SAMD4A: variants seen among roughly 807,000 people sequenced by gnomAD.
The protein encoded by SAMD4A is protein Smaug homolog 1.
In SAMD4A, 33 loss-of-function variants were observed where a neutral mutation model predicts 81.3. The ratio of observed to expected loss-of-function variants is 0.41; its 90% CI spans 0.31 to 0.54. The LOEUF is 0.54. SAMD4A is among the 20% of genes least tolerant of loss of function. The probability of loss-of-function intolerance (pLI) is 0.37; values close to 1 mark genes in which losing one functional copy is unlikely to be tolerated. For synonymous variants in SAMD4A, 389 were observed against 382.1 expected, an observed-to-expected ratio of 1.02 and a Z score of -0.21; for missense variants, 854 against 951.1, an observed-to-expected ratio of 0.90 and a Z score of 1.34.
Position 54,760,088 on chromosome 14 carries a change from G to T in SAMD4A, c.1177-73G>T, listed in dbSNP as rs543578754. ...CGAATCCTGTAAGAGCTCAGGGCAG[G>T]GGAGGGCAGGTACGGGGGTGGATGA... On this transcript the variant is annotated intron_variant, in intron 6 of 12. Coordinates refer to ENST00000554335, the MANE Select transcript of SAMD4A (RefSeq NM_015589.6). 3.3e-5 allele frequency: 49 copies of T among 1,482,028 alleles called. No homozygotes were observed. The East Asian group carries it at 3.7e-4, about 11-fold the overall frequency. The allele number at this position is 1,482,028 out of a possible 1,614,324, so 91.8% of individuals were successfully genotyped here. A position where few individuals can be genotyped will look rare whatever the true frequency, so the allele number is the denominator to read the frequency against.
chr14:54,708,892 A>T (rs2036920823), intron 3 of SAMD4A, among the ~76,000 whole-genome samples: 1 of 152,184 alleles, frequency 6.6e-6, no homozygotes, highest in Admixed American at 6.5e-5. Context: ...TAAGAGGGAG[A>T]CAAACTGGCC....
At chr14:54,583,778 G>A (rs2033541497) in intron 2 of SAMD4A, among the ~76,000 whole-genome samples, 1 of 152,216 alleles carries the variant, frequency 6.6e-6, no homozygotes. Flanking sequence ...GGAGGTTAAG[G>A]AGGTTATTTG....
intron 2 of SAMD4A, among the ~76,000 whole-genome samples, chr14:54,670,922 C>A (rs1316823945): frequency 1.3e-5 from 2 of 152,120 alleles, no homozygotes; most frequent in Non-Finnish European, 2.9e-5. Flanking sequence ...AGGAAGTGTT[C>A]CTCATTCCAG....
At chr14:54,565,546 C>T (rs955488671), upstream of SAMD4A, among the ~76,000 whole-genome samples, 1 of 152,222 alleles carries the variant, frequency 6.6e-6, no homozygotes, top group African/African-American at 2.4e-5. The surrounding 1 kb of genome is among the most constrained non-coding windows in gnomAD (Gnocchi z 5.4). Context: ...GCCTCGTGAA[C>T]CCTTCGCCTC....
chr14:54,685,972 G>T (rs930266538), intron 2 of SAMD4A: 1 of 428,238 alleles, frequency 2.3e-6, no homozygotes, highest in Non-Finnish European at 4.7e-6. Flanking sequence ...ACAACAGAAA[G>T]TGATGCTCCT....
chr14:54,565,625 A>G (rs2032905666), upstream of SAMD4A, among the ~76,000 whole-genome samples: 1 of 150,178 alleles, frequency 6.7e-6, no homozygotes, highest in African/African-American at 2.5e-5. The surrounding 1 kb of genome is among the most constrained non-coding windows in gnomAD (Gnocchi z 5.4). Flanking sequence ...GGGGCCAAAC[A>G]CCTCGGCCAC....
chr14:54,599,174 C>T (rs904909905), intron 2 of SAMD4A, among the ~76,000 whole-genome samples: 2 of 152,148 alleles, frequency 1.3e-5, no homozygotes, highest in African/African-American at 4.8e-5. Context: ...TGGGATAATG[C>T]ACATTTAAAT....
chr14:54,741,901 AG>A (rs2037852809), intron 4 of SAMD4A, among the ~76,000 whole-genome samples: 1 of 152,176 alleles, frequency 6.6e-6, no homozygotes, highest in South Asian at 2.1e-4. Context: ...TGGGAAAAAG[AG>A]GTCTGGAGAG....
chr14:54,574,976 A>G (rs1427438884), intron 2 of SAMD4A, among the ~76,000 whole-genome samples: 1 of 151,500 alleles, frequency 6.6e-6, no homozygotes, highest in Non-Finnish European at 1.5e-5. Flanking sequence ...GTAGACTGTT[A>G]GAAATGAAAG....
chr14:54,788,843 G>A lies in SAMD4A; in HGVS notation c.2129-73G>A, dbSNP rs899345646. The A allele has an allele frequency of 2.5e-6, 4 of 1,587,464 alleles. No homozygotes were observed. In the South Asian group the frequency reaches 4.4e-5, roughly 18 times the overall value. On this transcript the variant is annotated intron_variant, in intron 12 of 12. Transcript: ENST00000554335. ...GAGGCTGGGAGGCCCACCGTGCATG[G>A]CGTTGGCATAGGTGGGCACGAACTG...
intron 2 of SAMD4A, among the ~76,000 whole-genome samples, chr14:54,569,059 A>ATAGG (rs1354986291): frequency 5.3e-5 from 8 of 151,710 alleles, no homozygotes; most frequent in Non-Finnish European, 1.2e-4. Flanking sequence ...GTGATTTTGG[A>ATAGG]TAGGGGGAAA....
intron 2 of SAMD4A, among the ~76,000 whole-genome samples, chr14:54,576,522 T>G (rs186998401): frequency 2.2e-4 from 34 of 152,300 alleles, no homozygotes; most frequent in Admixed American, 1.4e-3. Context: ...ACCAGAAGAA[T>G]ATTTAAAACA....
At chr14:54,777,749 A>C (rs1487266022) in intron 11 of SAMD4A, among the ~76,000 whole-genome samples, 1 of 152,138 alleles carries the variant, frequency 6.6e-6, no homozygotes, top group Non-Finnish European at 1.5e-5. Flanking sequence ...ACGGCATGTC[A>C]GGGAGGGGAG....
In SAMD4A at chr14:54,789,111, C is replaced by T; in HGVS notation, c.*167C>T. 3 of 698,858 alleles carry T rather than the reference C, an allele frequency of 4.3e-6. No individual in the cohort carries two copies. The allele number at this position is 698,858 out of a possible 1,614,324, so 43.3% of individuals were successfully genotyped here. On this transcript the variant is annotated 3_prime_UTR_variant, in exon 13 of 13. Coordinates refer to ENST00000554335, the MANE Select transcript of SAMD4A (RefSeq NM_015589.6). Reference sequence around the variant, plus strand: ...TGAGAGCGTAGGTCATCCTCGTAAACATATCAGTAGACCTGGGGTTGGTTA... The same window carrying T: ...TGAGAGCGTAGGTCATCCTCGTAAATATATCAGTAGACCTGGGGTTGGTTA...
intron 2 of SAMD4A, among the ~76,000 whole-genome samples, chr14:54,613,255 C>G (rs1004810464): frequency 1.3e-5 from 2 of 152,126 alleles, no homozygotes; most frequent in African/African-American, 4.8e-5. Flanking sequence ...CTCACTGATT[C>G]TGACAACAAT....
At chr14:54,656,613 T>G (rs561433902) in intron 2 of SAMD4A, among the ~76,000 whole-genome samples, 157 of 152,264 alleles carry the variant, frequency 1.0e-3, no homozygotes, top group Admixed American at 2.5e-3. Context: ...ATTCTGAAAC[T>G]AGTTTTTTTG....
chr14:54,758,015 C>T (rs1309118531), intron 6 of SAMD4A, among the ~76,000 whole-genome samples: 3 of 152,152 alleles, frequency 2.0e-5, no homozygotes, highest in Non-Finnish European at 4.4e-5. Flanking sequence ...CCGTGGGCAG[C>T]AGGGAAGGAG....
intron 2 of SAMD4A, among the ~76,000 whole-genome samples, chr14:54,644,217 G>A (rs944015145): frequency 2.6e-5 from 4 of 152,218 alleles, no homozygotes; most frequent in Non-Finnish European, 5.9e-5. Flanking sequence ...GAATGGGACA[G>A]AGAGGTGTAT....
intron 2 of SAMD4A, among the ~76,000 whole-genome samples, chr14:54,623,118 G>T (rs1353508869): frequency 6.6e-6 from 1 of 152,164 alleles, no homozygotes; most frequent in African/African-American, 2.4e-5. Context: ...TTCTGCCAGT[G>T]TATCCCCCAG....
Sources: gnomAD v4.1 joint callset for allele counts (sites outside exome capture counted in the v4.1 genomes callset) on GRCh38, gnomAD v4.1.1 for gene constraint, Gnocchi (gnomAD v3.1) non-coding constraint, MANE v1.5 for transcripts, NCBI Gene and HGNC (gene_info 2026-07-23, HGNC 2026-07-21) for gene names.